CRYM: variants seen among roughly 807,000 people sequenced by gnomAD.
The protein encoded by CRYM is ketimine reductase mu-crystallin.
CRYM carries 18 observed loss-of-function variants against 32.9 expected under a neutral mutation model. That is an observed-to-expected ratio of 0.55 (90% CI 0.38 to 0.81). The LOEUF (loss-of-function observed/expected upper bound fraction) is 0.81. Ranked by LOEUF, CRYM falls within the 30% of genes least tolerant of loss-of-function variation. The pLI is 0.00. For missense variants in CRYM, 337 were observed against 393.5 expected (o/e 0.86, Z 1.21); for synonymous variants, 153 against 152.4 (o/e 1.00, Z -0.03).
At chr16:21,261,199 G>A in intron 7 of CRYM, 55 bp downstream of exon 7, 1 of 1,374,004 alleles carries the variant, frequency 7.3e-7, no homozygotes, top group Non-Finnish European at 1.0e-6. Context: ...CCACCAATGG[G>A]TGAACCTGCC....
intron 1 of CRYM, chr16:21,284,000 CCTT>C (rs764537284): frequency 6.6e-6 from 1 of 152,308 alleles, no homozygotes; most frequent in Non-Finnish European, 1.5e-5. Flanking sequence ...AGCCCTTCCT[CCTT>C]CTGCCTGCGT....
chr16:21,294,688 CTTTTTTTTTTTTTTTCT>C (rs1378860815), intron 1 of CRYM, among the ~76,000 whole-genome samples: 2 of 137,392 alleles, frequency 1.5e-5, no homozygotes, highest in Non-Finnish European at 3.2e-5. Flanking sequence ...GATCTCATTC[CTTTTTTTTTTTTTTTCT>C]TTTTTTTTTG....
At chr16:21,298,637 T>A (rs1017878664) in intron 1 of CRYM, among the ~76,000 whole-genome samples, 18 of 152,098 alleles carry the variant, frequency 1.2e-4, no homozygotes, top group African/African-American at 4.3e-4. Context: ...AGGGAACTGT[T>A]AGGGAATTGC....
chr16:21,294,532 C>G (rs1474363359), intron 1 of CRYM, among the ~76,000 whole-genome samples: 2 of 151,874 alleles, frequency 1.3e-5, no homozygotes, highest in Non-Finnish European at 2.9e-5. Flanking sequence ...GTCTCAGTGT[C>G]TGATGTTCCC....
chr16:21,267,131 T>G (rs2093365331), intron 5 of CRYM, among the ~76,000 whole-genome samples: 1 of 152,192 alleles, frequency 6.6e-6, no homozygotes, highest in African/African-American at 2.4e-5. Flanking sequence ...AGAGTCTCTC[T>G]CTGTTGCCCA....
rs530187470 is a variant in CRYM at position 21,291,836 on chromosome 16, A to T, written c.-193+11142T>A. Among the ~76,000 whole-genome samples, 3 of 152,030 alleles carry T rather than the reference A, an allele frequency of 2.0e-5. No individual in the cohort carries two copies. The East Asian group carries it at 5.8e-4, about 29-fold the overall frequency. On this transcript the variant is annotated intron_variant, in intron 1 of 9. Coordinates refer to the CRYM transcript ENST00000219599. Reference sequence around the variant, plus strand: ...ATATCAGCCCTTTGTGTAGTAAGCCATTTGCAAATATTTTGTCCCAGACTA... The same window carrying T: ...ATATCAGCCCTTTGTGTAGTAAGCCTTTTGCAAATATTTTGTCCCAGACTA...
At chr16:21,261,134 C>A in intron 7 of CRYM, 120 bp downstream of exon 7, 1 of 813,262 alleles carries the variant, frequency 1.2e-6, no homozygotes. Context: ...AATAATTGAC[C>A]TGAATGATGG....
chr16:21,270,616 C>G (rs1255700077), intron 3 of CRYM, among the ~76,000 whole-genome samples: 1 of 152,104 alleles, frequency 6.6e-6, no homozygotes, highest in Non-Finnish European at 1.5e-5. Flanking sequence ...CACAGTGTGG[C>G]TCTAAAGTCA....
intron 7 of CRYM, chr16:21,260,995 G>A: frequency 1.8e-6 from 1 of 551,654 alleles, no homozygotes; most frequent in Non-Finnish European, 3.3e-6. Flanking sequence ...AGGTGGTGAG[G>A]AAACTGAGGC....
At chr16:21,269,641 C>T (rs2093370892) in intron 4 of CRYM, 149 bp downstream of exon 4, 1 of 621,936 alleles carries the variant, frequency 1.6e-6, no homozygotes, top group African/African-American at 1.8e-5. Context: ...TCCATCAGGG[C>T]TTCTGGGAAG....
intron 2 of CRYM, among the ~76,000 whole-genome samples, chr16:21,275,967 G>A (rs536640785): frequency 1.1e-4 from 16 of 152,242 alleles, no homozygotes; most frequent in African/African-American, 3.9e-4. Context: ...GAGAGAGAAG[G>A]TTGCCAATTG....
intron 1 of CRYM, chr16:21,283,772 C>T (rs907678693): frequency 6.6e-6 from 1 of 152,470 alleles, no homozygotes; most frequent in South Asian, 2.1e-4. Context: ...TCCCCACACT[C>T]CCACCCCGGT....
chr16:21,288,077 GA>G (rs1187278317), intron 1 of CRYM, among the ~76,000 whole-genome samples: 3 of 152,138 alleles, frequency 2.0e-5, no homozygotes, highest in African/African-American at 7.2e-5. Context: ...AGGGAAATTC[GA>G]AAATACTTTG....
chr16:21,277,478 G>C lies in CRYM; in HGVS notation c.277C>G (p.Gln93Glu), dbSNP rs779267328. The C allele has an allele frequency of 1.2e-6, 2 of 1,613,808 alleles. No individual in the cohort carries two copies. The highest frequency in any genetic ancestry group is 8.5e-7 in the Non-Finnish European group (1 of 1,179,998). The change falls in exon 2 of 8, where the codon CAG becomes GAG. Residue 93 changes from glutamine to glutamate, a missense_variant. By Grantham distance (29) the Gln-to-Glu change is conservative. Transcript: ENST00000572914. The surrounding 1 kb of genome is among the most constrained non-coding windows in gnomAD (Gnocchi z 4.2). ...RGITSVVPSH[Q>E]ATVLLFEPSN... ...GGCTCAAAGAGTAGCACAGTAGCCT[G>C]GTGGGAAGGGACGACCGAGGTGATG...
chr16:21,289,237 C>A (rs1016302203), intron 1 of CRYM, among the ~76,000 whole-genome samples: 6 of 152,236 alleles, frequency 3.9e-5, no homozygotes, highest in African/African-American at 1.4e-4. Flanking sequence ...GTTTTTGCTT[C>A]ATATATTTTA....
intron 5 of CRYM, 128 bp from the exon 6 acceptor site, chr16:21,262,286 C>A: frequency 8.7e-7 from 1 of 1,145,866 alleles, no homozygotes; most frequent in East Asian, 2.6e-5. Flanking sequence ...CCCCTCATTC[C>A]CCAGGCCATG....
At position 21,273,346 on chromosome 16, in the gene CRYM, C is replaced by T. The variant is rs190984178; in HGVS notation, c.387+2186G>A. Among the ~76,000 whole-genome samples, 312 of 152,280 alleles carry T rather than the reference C, an allele frequency of 2.0e-3. 3 individuals are homozygous for T. Among genetic ancestry groups the T allele is most frequent in the Middle Eastern group, 6.8e-3 (2 of 294 alleles). On this transcript the variant is annotated intron_variant, in intron 3 of 7. Transcript: ENST00000572914. ...ATAGACCCTTTGTTCCTTATTGAAA[C>T]AGTTCATCTGAGCCCCTGGAAATAA...
intron 1 of CRYM, among the ~76,000 whole-genome samples, chr16:21,296,200 A>C (rs375510035): frequency 2.0e-5 from 3 of 152,236 alleles, no homozygotes; most frequent in Admixed American, 1.3e-4. Flanking sequence ...GGCCTCCCAA[A>C]GTGTTGGGAT....
At chr16:21,287,244 G>T (rs1467248527) in intron 1 of CRYM, among the ~76,000 whole-genome samples, 2 of 152,146 alleles carry the variant, frequency 1.3e-5, no homozygotes, top group Admixed American at 6.5e-5. Context: ...ATAATTCAAA[G>T]ATTTCAAATA....
Sources: gnomAD v4.1 joint callset for allele counts (sites outside exome capture counted in the v4.1 genomes callset) on GRCh38, gnomAD v4.1.1 for gene constraint, Gnocchi (gnomAD v3.1) non-coding constraint, MANE v1.5 for transcripts, NCBI Gene and HGNC (gene_info 2026-07-23, HGNC 2026-07-21) for gene names.